The following SLC61A1 variants were observed in gnomAD, a reference collection of about 807,000 sequenced individuals.
The protein encoded by SLC61A1 is major facilitator superfamily domain containing 5.
At chr12:53,253,165 C>G in the SLC61A1 span, 1 of 1,614,266 alleles carries the variant, frequency 6.2e-7, no homozygotes, top group Non-Finnish European at 8.5e-7. Context: ...CTTGTGTCCT[C>G]TTCTCCCTGA....
chr12:53,252,198 A>G, the SLC61A1 span: 6 of 1,418,480 alleles, frequency 4.2e-6, no homozygotes, highest in South Asian at 3.1e-5. Context: ...AGCCGGAGCC[A>G]CAGCGGGGAG....
At chr12:53,254,194 C>T in the SLC61A1 span, 2 of 1,611,782 alleles carry the variant, frequency 1.2e-6, no homozygotes, top group Non-Finnish European at 1.7e-6. Flanking sequence ...TGTAACCCCA[C>T]TCCAGGACAA....
the SLC61A1 span, chr12:53,252,834 C>T: frequency 5.0e-6 from 8 of 1,613,686 alleles, no homozygotes; most frequent in African/African-American, 4.0e-5. Context: ...CGGGGGCCCA[C>T]CATGCTGGTG....
chr12:53,252,691 C>G, the SLC61A1 span: 1 of 1,274,888 alleles, frequency 7.8e-7, no homozygotes, highest in African/African-American at 1.5e-5. Context: ...ACTGGTCCCT[C>G]CGGTCTGAGA....
chr12:53,251,842 G>A, the SLC61A1 span: 1 of 1,537,312 alleles, frequency 6.5e-7, no homozygotes, highest in Non-Finnish European at 8.7e-7. Context: ...CGGACTGCGG[G>A]CATCTTTCCC....
chr12:53,253,577 C>A, the SLC61A1 span: 1 of 1,613,846 alleles, frequency 6.2e-7, no homozygotes, highest in East Asian at 2.2e-5. Flanking sequence ...GTCGGACCGC[C>A]GCGTGCTGCT....
chr12:53,252,887 G>A, the SLC61A1 span: 1 of 1,614,120 alleles, frequency 6.2e-7, no homozygotes, highest in Non-Finnish European at 8.5e-7. Context: ...CTCCTGCCTG[G>A]GGCTGGAACT....
the SLC61A1 span, chr12:53,252,064 C>T: frequency 1.5e-6 from 2 of 1,341,702 alleles, no homozygotes; most frequent in Non-Finnish European, 1.9e-6. Flanking sequence ...GCGGGCGGGG[C>T]GGGGCGGGGT....
At chr12:53,253,555 G>T in the SLC61A1 span, 31 of 1,613,938 alleles carry the variant, frequency 1.9e-5, no homozygotes, top group Non-Finnish European at 2.6e-5. Context: ...CTGGAGGCCT[G>T]CGCTGCCTCC....
At chr12:53,253,578 G>A in the SLC61A1 span, 30 of 1,613,754 alleles carry the variant, frequency 1.9e-5, no homozygotes, top group South Asian at 9.9e-5. Context: ...TCGGACCGCC[G>A]CGTGCTGCTG....
the SLC61A1 span, chr12:53,254,023 C>G: frequency 7.4e-6 from 12 of 1,614,084 alleles, no homozygotes; most frequent in South Asian, 1.1e-5. Flanking sequence ...TCCTTGTCCT[C>G]CATGACAGTG....
the SLC61A1 span, chr12:53,252,539 G>A: frequency 1.5e-6 from 2 of 1,375,164 alleles, no homozygotes; most frequent in Non-Finnish European, 1.9e-6. Context: ...GAATTTGCGG[G>A]AGCGGGATTA....
the SLC61A1 span, chr12:53,252,051 C>T: frequency 1.2e-5 from 2 of 161,372 alleles, no homozygotes; most frequent in Non-Finnish European, 1.8e-5. Flanking sequence ...GGAAGGAGGG[C>T]GGGCGGGCGG....
At chr12:53,251,983 C>A in the SLC61A1 span, 1 of 1,536,334 alleles carries the variant, frequency 6.5e-7, no homozygotes, top group Non-Finnish European at 8.7e-7. Flanking sequence ...ACCGCAGCCT[C>A]CTATGGTCGC....
chr12:53,252,524 C>T, the SLC61A1 span: 32 of 1,368,474 alleles, frequency 2.3e-5, no homozygotes, highest in East Asian at 8.3e-4. Flanking sequence ...TGGGAAAGGG[C>T]AGTAGAATTT....
chr12:53,253,565 C>G, the SLC61A1 span: 26 of 1,613,928 alleles, frequency 1.6e-5, no homozygotes, highest in Non-Finnish European at 1.8e-5. Flanking sequence ...GCGCTGCCTC[C>G]TGTCGGACCG....
the SLC61A1 span, chr12:53,252,393 C>T: frequency 1.5e-6 from 2 of 1,303,422 alleles, no homozygotes; most frequent in Non-Finnish European, 9.7e-7. Context: ...GACCCTGAAG[C>T]AACTCGAGAG....
the SLC61A1 span, chr12:53,252,099 G>A: frequency 4.8e-6 from 7 of 1,455,298 alleles, no homozygotes; most frequent in Non-Finnish European, 6.3e-6. Context: ...CCCGTCACGT[G>A]ATGAAGCCAT....
chr12:53,253,102 C>T, the SLC61A1 span: 8 of 1,614,256 alleles, frequency 5.0e-6, no homozygotes, highest in Admixed American at 5.0e-5. Context: ...CCTCTACAGT[C>T]CTCTTTGGCC....
Sources: allele counts gnomAD v4.1 joint callset, GRCh38; gene constraint gnomAD v4.1.1; transcripts MANE v1.5; gene names NCBI Gene and HGNC (gene_info 2026-07-23, HGNC 2026-07-21).